Variants in CDH18 observed in about 807,000 individuals in gnomAD.
CDH18 encodes cadherin-18.
Under a neutral mutation model 67.9 loss-of-function variants are expected in CDH18, and 31 were observed. That is an observed-to-expected ratio of 0.46 (90% confidence interval 0.34 to 0.62). The LOEUF (loss-of-function observed/expected upper bound fraction) is 0.62, where lower values mean the gene tolerates loss of function less well. Ranked by LOEUF, CDH18 falls within the 20% of genes least tolerant of loss-of-function variation. The pLI is 0.01. For synonymous variants in CDH18, 362 were observed against 347.2 expected (o/e 1.04, Z -0.48); for missense variants, 890 against 975.5 (o/e 0.91, Z 1.17).
intron 2 of CDH18, among the ~76,000 whole-genome samples, chr5:19,978,241 A>T (rs574992561): frequency 2.4e-4 from 37 of 152,254 alleles, no homozygotes; most frequent in African/African-American, 8.7e-4. Context: ...ATTAGGGAGG[A>T]TAAATTATTT....
intron 1 of CDH18, among the ~76,000 whole-genome samples, chr5:20,356,938 C>T (rs183583853): frequency 6.7e-6 from 1 of 150,320 alleles, no homozygotes; most frequent in Non-Finnish European, 1.5e-5. Context: ...TATATATACA[C>T]ACACATATAT....
chr5:20,385,013 T>C (rs1744200879), intron 1 of CDH18, among the ~76,000 whole-genome samples: 1 of 152,024 alleles, frequency 6.6e-6, no homozygotes. Context: ...ATTTTTGTAT[T>C]TTTAGTAGAG....
chr5:20,029,471 T>G (rs1436017929), intron 2 of CDH18, among the ~76,000 whole-genome samples: 2 of 152,342 alleles, frequency 1.3e-5, no homozygotes, highest in East Asian at 3.9e-4. Context: ...AGAAAAATTC[T>G]GGTATTTGCA....
intron 4 of CDH18, among the ~76,000 whole-genome samples, chr5:19,734,542 A>AT: frequency 6.6e-6 from 1 of 152,184 alleles, no homozygotes; most frequent in Non-Finnish European, 1.5e-5. Context: ...GAATAAAAAT[A>AT]TTTTTTCTCG....
chr5:20,240,764 T>C (rs1476852247), intron 2 of CDH18, among the ~76,000 whole-genome samples: 1 of 152,216 alleles, frequency 6.6e-6, no homozygotes, highest in Non-Finnish European at 1.5e-5. Context: ...GTATAATCTA[T>C]TAAAGGCTCA....
In CDH18 at chr5:19,993,752, T is replaced by C. The variant is rs375362403; in HGVS notation, c.-517-1738A>G. On this transcript the variant is annotated intron_variant, in intron 2 of 14. Coordinates refer to the CDH18 transcript ENST00000507958. Reference sequence around the variant, plus strand: ...TATATAGATATCGATATATAGATAATAGATATATAGATATACCTCTCTATC... The same window carrying C: ...TATATAGATATCGATATATAGATAACAGATATATAGATATACCTCTCTATC... Among the ~76,000 whole-genome samples, 93 of 152,230 alleles carry C rather than the reference T, an allele frequency of 6.1e-4. No individual in the cohort carries two copies. The South Asian group carries it at 0.017, about 27-fold the overall frequency.
intron 1 of CDH18, among the ~76,000 whole-genome samples, chr5:19,982,350 A>T (rs891298982): frequency 2.0e-5 from 3 of 152,138 alleles, no homozygotes; most frequent in Non-Finnish European, 2.9e-5. Flanking sequence ...ACATTAAAAA[A>T]TAAATACAAT....
chr5:20,432,883 A>T (rs1560996843), intron 1 of CDH18, among the ~76,000 whole-genome samples: 1 of 150,074 alleles, frequency 6.7e-6, no homozygotes, highest in South Asian at 2.1e-4. Flanking sequence ...TAAGTGTAAA[A>T]ATTAAAAAAA....
chr5:19,667,490 TTA>T (rs375310681), intron 5 of CDH18, among the ~76,000 whole-genome samples: 33,840 of 130,092 alleles, frequency 0.26, 4,080 homozygotes, highest in Admixed American at 0.3. Flanking sequence ...AATATATATG[TTA>T]TATATATATA....
At chr5:20,543,190 C>G (rs1351233566) in intron 1 of CDH18, among the ~76,000 whole-genome samples, 3 of 151,962 alleles carry the variant, frequency 2.0e-5, no homozygotes, top group African/African-American at 7.2e-5. Flanking sequence ...AAACCTGCAT[C>G]AAAACCAAGT....
In CDH18 at chr5:19,483,285, G is replaced by T; in HGVS notation, c.1882+16C>A. 6.2e-7 allele frequency: 1 copy of T among 1,603,142 alleles called. No individual in the cohort carries two copies. On this transcript the variant is annotated intron_variant, in intron 12 of 12. Transcript: ENST00000382275. The stretch of plus-strand genomic sequence containing the variant: ...AGAATTGCCATCATGCAAACTTAGG[G>T]TTTAGAATGACTTACCCAGGAGAAT...
intron 2 of CDH18, among the ~76,000 whole-genome samples, chr5:20,175,044 T>C (rs1737125144): frequency 6.6e-6 from 1 of 152,112 alleles, no homozygotes; most frequent in Non-Finnish European, 1.5e-5. Flanking sequence ...ACTGTGTCTG[T>C]TCAAGATATA....
In CDH18 at chr5:19,838,960, G is replaced by A. The variant is rs763195642; in HGVS notation, c.27C>T (p.Ile9=). 1 of 1,613,036 alleles carries A rather than the reference G, an allele frequency of 6.2e-7. No homozygotes were observed. Among genetic ancestry groups the A allele is most frequent in the South Asian group, 1.1e-5 (1 of 91,048 alleles). MKITSTSC[I]CPVLVCLCFV... is the part of the protein sequence containing the mutation. The stretch of plus-strand genomic sequence containing the variant: ...AACAGAGACACACTAGGACTGGACA[G>A]ATGCAAGATGTGCTAGTAATTTTCA... The change falls in exon 3 of 13, where the codon ATC becomes ATT. Residue 9 remains isoleucine, a synonymous_variant. Coordinates refer to ENST00000382275, the MANE Select transcript of CDH18 (RefSeq NM_004934.5).
intron 1 of CDH18, among the ~76,000 whole-genome samples, chr5:20,397,194 G>T (rs567311923): frequency 6.6e-6 from 1 of 152,030 alleles, no homozygotes; most frequent in African/African-American, 2.4e-5. Context: ...GCAGTGGTAC[G>T]ATCTTGGCTC....
At chr5:19,490,721 C>T (rs915632120) in intron 11 of CDH18, among the ~76,000 whole-genome samples, 3 of 151,888 alleles carry the variant, frequency 2.0e-5, no homozygotes, top group Non-Finnish European at 4.4e-5. Context: ...CCAAAATTAG[C>T]AATGTTTTTG....
chr5:20,407,388 C>A (rs1318177788), intron 1 of CDH18, among the ~76,000 whole-genome samples: 1 of 151,720 alleles, frequency 6.6e-6, no homozygotes, highest in Non-Finnish European at 1.5e-5. Flanking sequence ...TTTAGAGAAC[C>A]CCCAGAATCT....
rs139266126 is a variant in CDH18, at chr5:19,796,328, C to G, written c.228+42431G>C. Among the ~76,000 whole-genome samples, 225 of 151,868 alleles carry G rather than the reference C, an allele frequency of 1.5e-3. 2 individuals are homozygous for G. The highest frequency in any genetic ancestry group is 0.011 in the East Asian group (59 of 5,170). ...TAAAAGAACATTTTTTGAAAGCAGCCAGAGTAAAGTGATGCATTACCTGAA... is the reference window on the plus strand; with the variant it reads ...TAAAAGAACATTTTTTGAAAGCAGCGAGAGTAAAGTGATGCATTACCTGAA... On this transcript the variant is annotated intron_variant, in intron 3 of 12. Coordinates refer to ENST00000382275, the MANE Select transcript of CDH18 (RefSeq NM_004934.5).
chr5:19,744,920 A>G (rs969478528), intron 4 of CDH18, among the ~76,000 whole-genome samples: 1 of 152,060 alleles, frequency 6.6e-6, no homozygotes, highest in East Asian at 1.9e-4. Context: ...TTCTTATTCT[A>G]TTTACTCTTC....
intron 2 of CDH18, among the ~76,000 whole-genome samples, chr5:20,062,139 G>GC: frequency 3.4e-5 from 1 of 29,634 alleles, no homozygotes; most frequent in African/African-American, 1.0e-4. Context: ...TTTAAGCCCA[G>GC]AATTATTATT....
Sources: gnomAD v4.1 joint callset for allele counts (sites outside exome capture counted in the v4.1 genomes callset) on GRCh38, gnomAD v4.1.1 for gene constraint, MANE v1.5 for transcripts, NCBI Gene and HGNC (gene_info 2026-07-23, HGNC 2026-07-21) for gene names.